The following KDELR2 variants were observed in gnomAD, a reference collection of about 807,000 sequenced individuals.
KDELR2 encodes the protein KDEL endoplasmic reticulum protein retention receptor 2, also known as ER lumen protein-retaining receptor 2.
Under a neutral mutation model 23.9 loss-of-function variants are expected in KDELR2, and 15 were observed. The ratio of observed to expected loss-of-function variants is 0.63; its 90% CI spans 0.42 to 0.97. The LOEUF is 0.97. Ranked by LOEUF, KDELR2 falls within the 50% of genes least tolerant of loss-of-function variation. The pLI is 0.00. For synonymous variants in KDELR2, 119 were observed against 106.2 expected, an observed-to-expected ratio of 1.12 and a Z score of -0.74; for missense variants, 272 against 254.6, an observed-to-expected ratio of 1.07 and a Z score of -0.46.
In KDELR2 at chr7:6,479,569, C is replaced by T. The variant is rs1383294607; in HGVS notation, c.91+4398G>A. Among the ~76,000 whole-genome samples the T allele has an allele frequency of 6.6e-5, 10 of 152,100 alleles. No individual in the cohort carries two copies. The East Asian group carries it at 7.7e-4, about 12-fold the overall frequency. ...TCGGCTCGCTGCAAGCTCCACCTCT[C>T]GGGTTCATGCCATTCTCCTGCCTCA... On this transcript the variant is annotated intron_variant, in intron 1 of 4. Coordinates refer to ENST00000258739, the MANE Select transcript of KDELR2 (RefSeq NM_006854.4).
At chr7:6,467,210 C>A (rs1215983251) in intron 3 of KDELR2, among the ~76,000 whole-genome samples, 1 of 152,204 alleles carries the variant, frequency 6.6e-6, no homozygotes, top group Non-Finnish European at 1.5e-5. Flanking sequence ...ACCAAATCAA[C>A]CCTGCTTTCC....
At chr7:6,481,698 G>A (rs1449704287) in intron 1 of KDELR2, among the ~76,000 whole-genome samples, 1 of 151,936 alleles carries the variant, frequency 6.6e-6, no homozygotes, top group African/African-American at 2.4e-5. Context: ...CCAGCCTGGG[G>A]GACAGAGTGA....
chr7:6,467,525 C>T (rs1419198981), intron 3 of KDELR2, among the ~76,000 whole-genome samples: 2 of 152,076 alleles, frequency 1.3e-5, no homozygotes, highest in African/African-American at 4.8e-5. Context: ...CTTTGGGAAG[C>T]CGAGACAGGC....
intron 2 of KDELR2, among the ~76,000 whole-genome samples, chr7:6,473,896 A>G (rs1296994556): frequency 6.6e-6 from 1 of 152,238 alleles, no homozygotes; most frequent in Non-Finnish European, 1.5e-5. Context: ...TTACAGAGTT[A>G]TCAAGAGCTT....
In KDELR2 at chr7:6,466,286, G is replaced by A; in HGVS notation, c.389C>T (p.Ala130Val). The change falls in exon 4 of 5, where the codon GCT becomes GTT. Residue 130 changes from alanine to valine, a missense_variant. Transcript: ENST00000258739. Reference sequence around the variant, plus strand: ...GATCATAAATAGCTGCGGAAGGATAGCCACGGACTCCAGGTAGATGGAGAA... The same window carrying A: ...GATCATAAATAGCTGCGGAAGGATAACCACGGACTCCAGGTAGATGGAGAA... ...WTFSIYLESV[A>V]ILPQLFMISK... The A allele has an allele frequency of 6.2e-7, 1 of 1,614,024 alleles. No individual in the cohort carries two copies.
chr7:6,469,981 A>C, intron 2 of KDELR2: 1 of 357,824 alleles, frequency 2.8e-6, no homozygotes, highest in Non-Finnish European at 5.0e-6. Flanking sequence ...TCATCCCCAA[A>C]ATTCTGCCAT....
chr7:6,473,689 A>T (rs938476748), intron 2 of KDELR2, among the ~76,000 whole-genome samples: 10 of 152,324 alleles, frequency 6.6e-5, no homozygotes, highest in African/African-American at 2.4e-4. Flanking sequence ...TGACACACAC[A>T]CAACAGTTTA....
In KDELR2 at chr7:6,469,746, G is replaced by T; in HGVS notation, c.201C>A (p.Tyr67Ter). ...SLYNTSMKVI[Y>*]LACSYATVYL... ...ACACTGTGGCATAGGAGCAGGCAAG[G>T]TAGATAACCTACAAATAAAAGAAAA... The change falls in exon 3 of 5, where the codon TAC becomes TAA. Residue 67 changes from tyrosine (Y) to a stop codon, truncating the protein, a stop_gained. Coordinates refer to ENST00000258739, the MANE Select transcript of KDELR2 (RefSeq NM_006854.4). LOFTEE classifies it high-confidence loss of function. The T allele has an allele frequency of 6.2e-7, 1 of 1,609,072 alleles. No individual in the cohort carries two copies.
Position 6,484,119 on chromosome 7 carries a change from G to T in KDELR2, c.-62C>A, listed in dbSNP as rs1200849238. 4.1e-6 allele frequency: 5 copies of T among 1,220,990 alleles called. No individual in the cohort carries two copies. Among genetic ancestry groups the T allele is most frequent in the Non-Finnish European group, 5.2e-6 (5 of 962,172 alleles). The allele number at this position is 1,220,990 out of a possible 1,614,324, so 75.6% of individuals were successfully genotyped here. A position where few individuals can be genotyped will look rare whatever the true frequency, so the allele number is the denominator to read the frequency against. ...GCCCCGGGGCTGGGCGGCTCAGGAG[G>T]CGGCGGCCCCTGAGAGGAAGCGGCG... On this transcript the variant is annotated 5_prime_UTR_variant, in exon 1 of 5. Transcript: ENST00000258739.
Position 6,469,650 on chromosome 7 carries a change from C to T in KDELR2, c.297G>A (p.Val99=), listed in dbSNP as rs745956199. 6.2e-7 allele frequency: 1 copy of T among 1,614,088 alleles called. No homozygotes were observed. Among genetic ancestry groups the T allele is most frequent in the Non-Finnish European group, 8.5e-7 (1 of 1,179,980 alleles). ...AAAATGAGAGGCCTCCCACAGGGAC[C>T]ACCAGAAACTCCACTCGGAAGGTAT... ...NHDTFRVEFL[V]VPVGGLSFLV... is the part of the protein sequence containing the mutation. Residue 99 remains valine (V), a synonymous_variant, in exon 3 of 5, where the codon GTG becomes GTA. Coordinates refer to ENST00000258739, the MANE Select transcript of KDELR2 (RefSeq NM_006854.4).
At chr7:6,480,487 A>G (rs73344909) in intron 1 of KDELR2, among the ~76,000 whole-genome samples, 2,179 of 152,292 alleles carry the variant, frequency 0.014, 56 homozygotes, top group African/African-American at 0.051. Context: ...CTCAAACATG[A>G]TCAACTCACT....
chr7:6,474,076 C>A, intron 2 of KDELR2, 108 bp downstream of exon 2: 1 of 695,742 alleles, frequency 1.4e-6, no homozygotes. Context: ...CATATTAAGA[C>A]ATTATTTTTG....
chr7:6,480,462 A>G (rs1785867356), intron 1 of KDELR2, among the ~76,000 whole-genome samples: 1 of 152,212 alleles, frequency 6.6e-6, no homozygotes, highest in South Asian at 2.1e-4. Flanking sequence ...AGATACAGCC[A>G]CAAGAGAATG....
intron 1 of KDELR2, among the ~76,000 whole-genome samples, chr7:6,478,337 A>G (rs554098172): frequency 6.6e-6 from 1 of 151,968 alleles, no homozygotes; most frequent in African/African-American, 2.4e-5. Context: ...TTGTAGAGAC[A>G]GGGTTTCACT....
At chr7:6,480,955 T>A (rs561638704) in intron 1 of KDELR2, among the ~76,000 whole-genome samples, 1 of 152,332 alleles carries the variant, frequency 6.6e-6, no homozygotes, top group African/African-American at 2.4e-5. Flanking sequence ...CCGGGAATAC[T>A]TGGCAAACAC....
At chr7:6,482,545 C>T in intron 1 of KDELR2, 1 of 470,506 alleles carries the variant, frequency 2.1e-6, no homozygotes, top group Non-Finnish European at 4.4e-6. Context: ...TTTGGTTTTG[C>T]TTACTTCCCG....
At chr7:6,475,258 C>G (rs770339639) in intron 1 of KDELR2, among the ~76,000 whole-genome samples, 19 of 152,028 alleles carry the variant, frequency 1.2e-4, no homozygotes, top group Non-Finnish European at 2.4e-4. Context: ...GACTCCATCT[C>G]TACGAAAAAT....
intron 1 of KDELR2, among the ~76,000 whole-genome samples, chr7:6,477,864 A>G (rs957078626): frequency 1.3e-5 from 2 of 152,238 alleles, no homozygotes; most frequent in Admixed American, 6.5e-5. Flanking sequence ...AGATTAGACT[A>G]TACAACATAC....
chr7:6,469,355 A>G (rs979101836), intron 3 of KDELR2, among the ~76,000 whole-genome samples: 2 of 152,108 alleles, frequency 1.3e-5, no homozygotes, highest in African/African-American at 4.8e-5. Context: ...TCCTGGGTTC[A>G]AGTGATTCTC....
Sources: allele counts gnomAD v4.1 joint callset (sites outside exome capture counted in the v4.1 genomes callset), GRCh38; gene constraint gnomAD v4.1.1; transcripts MANE v1.5; gene names NCBI Gene and HGNC (gene_info 2026-07-23, HGNC 2026-07-21).